The following PLEKHD1 variants were observed in gnomAD, a reference collection of about 807,000 sequenced individuals.
PLEKHD1 encodes the protein pleckstrin homology and coiled-coil domain containing D1, also known as pleckstrin homology domain-containing family D member 1.
Under a neutral mutation model 69.2 loss-of-function variants are expected in PLEKHD1, and 51 were observed. The observed-to-expected ratio is 0.74, with a 90% CI of 0.59 to 0.93. The LOEUF is 0.93. Among genes scored for constraint, PLEKHD1 ranks in the 40% least tolerant of loss-of-function variants. The pLI, the probability that PLEKHD1 is intolerant of heterozygous loss-of-function variation, is 0.00. For synonymous variants in PLEKHD1, 236 were observed against 244.7 expected, an observed-to-expected ratio of 0.96 and a Z score of 0.33; for missense variants, 584 against 641.0, an observed-to-expected ratio of 0.91 and a Z score of 0.96.
intron 2 of PLEKHD1, 150 bp downstream of exon 2, chr14:69,500,358 C>G: frequency 1.3e-6 from 1 of 754,228 alleles, no homozygotes; most frequent in South Asian, 1.8e-5. Context: ...ACCCCCTGCC[C>G]CTGTCCTGGG....
chr14:69,485,584 G>A (rs1412204697), intron 1 of PLEKHD1, among the ~76,000 whole-genome samples: 1 of 152,206 alleles, frequency 6.6e-6, no homozygotes, highest in Admixed American at 6.5e-5. Context: ...AAGACGGAGA[G>A]GGACCTGGCC....
At chr14:69,504,083 G>T (rs1350172656) in intron 6 of PLEKHD1, among the ~76,000 whole-genome samples, 1 of 152,186 alleles carries the variant, frequency 6.6e-6, no homozygotes, top group Admixed American at 6.5e-5. Context: ...GAAAAATGCA[G>T]ATGATAATAG....
chr14:69,521,280 T>A (rs1194096380), intron 6 of PLEKHD1, among the ~76,000 whole-genome samples: 1 of 152,152 alleles, frequency 6.6e-6, no homozygotes, highest in African/African-American at 2.4e-5. Context: ...ATATAGCAAC[T>A]CTTTGGGTAA....
At chr14:69,478,762 C>T in the PLEKHD1 span, among the ~76,000 whole-genome samples, 1 of 152,174 alleles carries the variant, frequency 6.6e-6, no homozygotes, top group African/African-American at 2.4e-5. Flanking sequence ...GCATTTTTGC[C>T]AAAGCCATTC....
chr14:69,524,125 T>A, intron 7 of PLEKHD1, 104 bp from the exon 8 acceptor site: 2 of 929,076 alleles, frequency 2.2e-6, no homozygotes, highest in Non-Finnish European at 3.3e-6. Flanking sequence ...AGAGCCCTCC[T>A]GAGCCCCATC....
At chr14:69,484,514 G>T (rs1212237077), upstream of PLEKHD1, among the ~76,000 whole-genome samples, 1 of 152,130 alleles carries the variant, frequency 6.6e-6, no homozygotes, top group Non-Finnish European at 1.5e-5. Context: ...AAGTCCCCGG[G>T]CCCTGCGACC....
the PLEKHD1 span, among the ~76,000 whole-genome samples, chr14:69,467,786 T>C: frequency 2.7e-4 from 41 of 152,160 alleles, no homozygotes; most frequent in African/African-American, 9.9e-4. Flanking sequence ...AGGTGGGGAT[T>C]TGGGGGAGAT....
At position 69,528,245 on chromosome 14, in the gene PLEKHD1, C is replaced by T. The variant is rs2139536402; in HGVS notation, c.1352-5C>T. On this transcript the variant is annotated splice_polypyrimidine_tract_variant and splice_region_variant and intron_variant, in intron 12 of 12. Coordinates refer to ENST00000322564, the MANE Select transcript of PLEKHD1 (RefSeq NM_001161498.2). ...CACAGGGCTGTTGGGCTCCTGTTTC[C>T]CCAGTGAAGCCGTCCCAGTCCTTCA... 1.3e-6 allele frequency: 2 copies of T among 1,551,596 alleles called. No individual in the cohort carries two copies. The highest frequency in any genetic ancestry group is 2.7e-5 in the African/African-American group (2 of 73,150).
rs923239234 is a variant in PLEKHD1 at position 69,528,719 on chromosome 14, G to A, written c.*300G>A. 5 of 399,452 alleles carry A rather than the reference G, an allele frequency of 1.3e-5. No individual in the cohort carries two copies. Among genetic ancestry groups the A allele is most frequent in the African/African-American group, 4.0e-5 (2 of 49,730 alleles). The allele number at this position is 399,452 out of a possible 1,614,324, so 24.7% of individuals were successfully genotyped here. On this transcript the variant is annotated 3_prime_UTR_variant, in exon 13 of 13. Coordinates refer to ENST00000322564, the MANE Select transcript of PLEKHD1 (RefSeq NM_001161498.2). Reference sequence around the variant, plus strand: ...CTGGTTGTATGTGGAGATTTGTGTCGGTTAGGGAGTGGGGTGGGGAGGTGC... The same window carrying A: ...CTGGTTGTATGTGGAGATTTGTGTCAGTTAGGGAGTGGGGTGGGGAGGTGC...
At chr14:69,490,540 G>C (rs1247850742) in intron 1 of PLEKHD1, among the ~76,000 whole-genome samples, 1 of 152,190 alleles carries the variant, frequency 6.6e-6, no homozygotes, top group African/African-American at 2.4e-5. Context: ...ACACATTACG[G>C]TTGTCTTACT....
chr14:69,506,722 C>T (rs147102869), intron 6 of PLEKHD1, among the ~76,000 whole-genome samples: 119 of 152,262 alleles, frequency 7.8e-4, no homozygotes, highest in African/African-American at 2.6e-3. Context: ...AACATTGACA[C>T]ACTGTCACCC....
chr14:69,526,484 G>A (rs1883650580), intron 9 of PLEKHD1, among the ~76,000 whole-genome samples: 1 of 152,104 alleles, frequency 6.6e-6, no homozygotes, highest in African/African-American at 2.4e-5. Context: ...TCTGGACCCA[G>A]GACTCCAGTC....
rs991599587 is a variant in PLEKHD1, at chr14:69,528,532, T to C, written c.*113T>C. 7 of 1,350,214 alleles carry C rather than the reference T, an allele frequency of 5.2e-6. No individual in the cohort carries two copies. The African/African-American group carries it at 1.0e-4, about 20-fold the overall frequency. The allele number at this position is 1,350,214 out of a possible 1,614,324, so 83.6% of individuals were successfully genotyped here. On this transcript the variant is annotated 3_prime_UTR_variant, in exon 13 of 13. Transcript: ENST00000322564. ...CCTGGCCTCTCTGGTCTGGAGCCTATGTCTCCTCTGGGCCGGAGCTCCACT... is the reference window on the plus strand; with the variant it reads ...CCTGGCCTCTCTGGTCTGGAGCCTACGTCTCCTCTGGGCCGGAGCTCCACT...
chr14:69,501,916 G>A, intron 5 of PLEKHD1, 91 bp downstream of exon 5: 1 of 1,164,626 alleles, frequency 8.6e-7, no homozygotes, highest in Non-Finnish European at 1.2e-6. Flanking sequence ...GCAGGGATGA[G>A]GGTCTCTCAG....
At chr14:69,475,537 G>A in the PLEKHD1 span, among the ~76,000 whole-genome samples, 1 of 152,176 alleles carries the variant, frequency 6.6e-6, no homozygotes, top group African/African-American at 2.4e-5. Context: ...GTGGGGTGGG[G>A]TAGAAGCCTA....
At chr14:69,518,240 C>T (rs543247976) in intron 6 of PLEKHD1, among the ~76,000 whole-genome samples, 1 of 151,984 alleles carries the variant, frequency 6.6e-6, no homozygotes, top group Non-Finnish European at 1.5e-5. Context: ...TGGGGTTTGC[C>T]GTGTTGGCCA....
In PLEKHD1 at chr14:69,484,805, C is replaced by T. The variant is rs1185172313; in HGVS notation, c.-161C>T. The stretch of plus-strand genomic sequence containing the variant: ...CCCTGCGCCCCCTTGGTGCCGCGTC[C>T]AGTGCCCAGCGCGCTTTGATGCTGC... On this transcript the variant is annotated 5_prime_UTR_variant, in exon 1 of 13. Transcript: ENST00000322564. 1 of 790,396 alleles carries T rather than the reference C, an allele frequency of 1.3e-6. No homozygotes were observed. Among genetic ancestry groups the T allele is most frequent in the African/African-American group, 1.8e-5 (1 of 55,984 alleles). The allele number at this position is 790,396 out of a possible 1,614,324, so 49.0% of individuals were successfully genotyped here.
intron 1 of PLEKHD1, among the ~76,000 whole-genome samples, chr14:69,499,858 G>T (rs895299618): frequency 6.6e-6 from 1 of 152,196 alleles, no homozygotes; most frequent in Admixed American, 6.5e-5. Context: ...GCGGGACAGA[G>T]GCAGCCAGAC....
Position 69,525,968 on chromosome 14 carries a change from A to C in PLEKHD1, c.769A>C (p.Thr257Pro). ...LEELSIEKKK[T>P]LEMLEENENH... The stretch of plus-strand genomic sequence containing the variant: ...GGAACTCTCCATAGAGAAGAAGAAA[A>C]CCCTGGAAATGCTGGAGGAGAACGA... The change falls in exon 9 of 13, where the codon ACC becomes CCC. Residue 257 changes from threonine to proline, a missense_variant. Physicochemically the swap from Thr to Pro is conservative, Grantham distance 38 (BLOSUM62 -1). Coordinates refer to ENST00000322564, the MANE Select transcript of PLEKHD1 (RefSeq NM_001161498.2). 2 of 1,551,452 alleles carry C rather than the reference A, an allele frequency of 1.3e-6. No individual in the cohort carries two copies. The highest frequency in any genetic ancestry group is 1.7e-6 in the Non-Finnish European group (2 of 1,146,940).
Sources: gnomAD v4.1 joint callset for allele counts (sites outside exome capture counted in the v4.1 genomes callset) on GRCh38, gnomAD v4.1.1 for gene constraint, MANE v1.5 for transcripts, NCBI Gene and HGNC (gene_info 2026-07-23, HGNC 2026-07-21) for gene names.